The following METTL16 variants were observed in gnomAD, a reference collection of about 807,000 sequenced individuals.
METTL16 encodes the protein methyltransferase 16, RNA N6-adenosine.
A neutral mutation model predicts 57.9 loss-of-function variants in METTL16; 19 were observed. The observed-to-expected ratio is 0.33, with a 90% CI of 0.23 to 0.48. METTL16 has a LOEUF of 0.48. Among genes scored for constraint, METTL16 ranks in the 20% least tolerant of loss-of-function variants. METTL16 has a pLI of 0.99. For missense variants in METTL16, 434 were observed against 691.5 expected (o/e 0.63, Z 4.18); for synonymous variants, 246 against 255.6 (o/e 0.96, Z 0.36).
intron 2 of METTL16, among the ~76,000 whole-genome samples, chr17:2,489,732 C>CAGAAAAAAAAAAAAAAA (rs2067371175): frequency 1.7e-5 from 1 of 60,330 alleles, no homozygotes; most frequent in Non-Finnish European, 2.6e-5. Context: ...GAGCGAGACT[C>CAGAAAAAAAAAAAAAAA]AAAAAAAAAA....
chr17:2,477,648 A>C (rs1337881322), intron 3 of METTL16, 38 bp downstream of exon 3: 1 of 1,491,434 alleles, frequency 6.7e-7, no homozygotes, highest in East Asian at 2.3e-5. Context: ...AAAACTTATG[A>C]AAACTGTTTA....
intron 6 of METTL16, 88 bp downstream of exon 6, chr17:2,464,120 C>T (rs1597456548): frequency 7.3e-7 from 1 of 1,373,076 alleles, no homozygotes; most frequent in Admixed American, 2.2e-5. Flanking sequence ...AAGACTCTGT[C>T]CCCCGCCACC....
chr17:2,453,688 T>C (rs1457753270), intron 6 of METTL16, among the ~76,000 whole-genome samples: 2 of 152,230 alleles, frequency 1.3e-5, no homozygotes, highest in African/African-American at 4.8e-5. Flanking sequence ...CTTTTCAAAT[T>C]TCCCTTTGCC....
chr17:2,507,361 G>A (rs1170236544), intron 1 of METTL16, among the ~76,000 whole-genome samples: 17 of 145,732 alleles, frequency 1.2e-4, no homozygotes, highest in African/African-American at 3.6e-4. Flanking sequence ...CAGCCACCCC[G>A]TCCGGGAGGG....
Position 2,420,295 on chromosome 17 carries a change from G to A in METTL16, c.1364C>T (p.Ser455Phe), listed in dbSNP as rs1226704050. 1.9e-6 allele frequency: 3 copies of A among 1,612,992 alleles called. No homozygotes were observed. Among genetic ancestry groups the A allele is most frequent in the Admixed American group, 1.7e-5 (1 of 59,998 alleles). The change falls in exon 10 of 10, where the codon TCC (serine) becomes TTC (phenylalanine). Residue 455 changes from serine (S) to phenylalanine (F), a missense_variant. This residue lies in a region of METTL16 where 168 missense variants were observed against 149.6 expected (regional missense o/e 1.12). Coordinates refer to ENST00000263092, the MANE Select transcript of METTL16 (RefSeq NM_024086.4). This position sits in a 1 kb window ranked among gnomAD's most constrained non-coding sequence, Gnocchi z 5.4. ...EGPCPSQESL[S>F]QEENPEPTED... Reference sequence around the variant, plus strand: ...CGTGGGTTCCGGGTTTTCCTCCTGGGACAGGGACTCCTGGCTCGGGCACGG... The same window carrying A: ...CGTGGGTTCCGGGTTTTCCTCCTGGAACAGGGACTCCTGGCTCGGGCACGG...
intron 8 of METTL16, among the ~76,000 whole-genome samples, chr17:2,423,805 C>T (rs1219015263): frequency 6.6e-6 from 1 of 152,234 alleles, no homozygotes. Flanking sequence ...ACCTGCGACA[C>T]TCTTTCTCCA....
At chr17:2,476,364 G>A (rs936451709) in intron 3 of METTL16, among the ~76,000 whole-genome samples, 4 of 152,198 alleles carry the variant, frequency 2.6e-5, no homozygotes, top group African/African-American at 9.6e-5. Flanking sequence ...AATTACCAGG[G>A]TAGGGTGCTG....
chr17:2,485,761 C>T (rs1323737455), intron 2 of METTL16, among the ~76,000 whole-genome samples: 1 of 152,100 alleles, frequency 6.6e-6, no homozygotes, highest in African/African-American at 2.4e-5. Flanking sequence ...CACAGACAAT[C>T]CCTCCCTTTC....
At chr17:2,503,511 G>A (rs1323308221) in intron 1 of METTL16, among the ~76,000 whole-genome samples, 5 of 151,566 alleles carry the variant, frequency 3.3e-5, no homozygotes, top group Admixed American at 2.0e-4. Flanking sequence ...CACTAAATAT[G>A]GGTCAACAAA....
intron 4 of METTL16, among the ~76,000 whole-genome samples, chr17:2,469,957 C>A (rs559563373): frequency 6.6e-6 from 1 of 152,306 alleles, no homozygotes; most frequent in South Asian, 2.1e-4. Flanking sequence ...AAAGTAGCCA[C>A]AAATAGTCAA....
At chr17:2,493,129 CTTTTT>C (rs764351584) in intron 2 of METTL16, among the ~76,000 whole-genome samples, 1 of 132,882 alleles carries the variant, frequency 7.5e-6, no homozygotes. Flanking sequence ...GGTGATTCTT[CTTTTT>C]TTTTTTTTTT....
intron 2 of METTL16, among the ~76,000 whole-genome samples, chr17:2,485,301 C>T (rs898369028): frequency 6.6e-6 from 1 of 152,096 alleles, no homozygotes; most frequent in Non-Finnish European, 1.5e-5. Flanking sequence ...GGGAAACAAG[C>T]TGCGGGAAAA....
intron 6 of METTL16, among the ~76,000 whole-genome samples, chr17:2,447,238 G>T (rs1316775835): frequency 1.4e-5 from 2 of 147,312 alleles, no homozygotes; most frequent in Non-Finnish European, 3.0e-5. Context: ...CCGCCGCCCT[G>T]TCTGGGATGT....
rs141138860 is a variant in METTL16 at position 2,484,232 on chromosome 17, A to C, written c.129-6347T>G. 2.0e-5 allele frequency among the ~76,000 whole-genome samples: 3 copies of C among 152,344 alleles called. No individual in the cohort carries two copies. In the East Asian group the frequency reaches 5.8e-4, roughly 29 times the overall value. On this transcript the variant is annotated intron_variant, in intron 2 of 9. Transcript: ENST00000263092. ...AATTGTGAAAATCAGGGGTTTCAAA[A>C]TATTTATAAGGAATAGCTATTGGTA...
chr17:2,474,907 GTCTCTCTC>G (rs3029948), intron 3 of METTL16, among the ~76,000 whole-genome samples: 5 of 149,370 alleles, frequency 3.3e-5, no homozygotes, highest in African/African-American at 1.2e-4. Flanking sequence ...GTGACATCAA[GTCTCTCTC>G]TCTCTCTCTC....
chr17:2,497,068 C>CG (rs2067450853), intron 2 of METTL16, among the ~76,000 whole-genome samples: 1 of 151,570 alleles, frequency 6.6e-6, no homozygotes, highest in African/African-American at 2.4e-5. Flanking sequence ...TGCAGTGGCA[C>CG]AATCTCGGCT....
intron 2 of METTL16, among the ~76,000 whole-genome samples, chr17:2,492,425 T>C (rs2067405452): frequency 6.6e-6 from 1 of 152,090 alleles, no homozygotes; most frequent in South Asian, 2.1e-4. Context: ...TAGCAATCCT[T>C]GCCACCTTAC....
chr17:2,423,124 C>T (rs1279853233), intron 8 of METTL16, among the ~76,000 whole-genome samples: 1 of 152,194 alleles, frequency 6.6e-6, no homozygotes, highest in African/African-American at 2.4e-5. Context: ...CGCACACATG[C>T]AGACACCACA....
intron 6 of METTL16, among the ~76,000 whole-genome samples, chr17:2,443,285 A>C (rs1317678385): frequency 1.3e-5 from 2 of 152,204 alleles, no homozygotes; most frequent in South Asian, 2.1e-4. Context: ...AGAAATAGAT[A>C]ACTTGAATAG....
Sources: gnomAD v4.1 joint callset for allele counts (sites outside exome capture counted in the v4.1 genomes callset) on GRCh38, gnomAD v4.1.1 for gene constraint, gnomAD v4.1.1 regional missense constraint, Gnocchi (gnomAD v3.1) non-coding constraint, MANE v1.5 for transcripts, NCBI Gene and HGNC (gene_info 2026-07-23, HGNC 2026-07-21) for gene names.